Variants in CPSF4 observed in about 807,000 individuals in gnomAD.
CPSF4 encodes the protein cleavage and polyadenylation specific factor 4.
CPSF4 carries 11 observed loss-of-function variants against 37.7 expected under a neutral mutation model. That is an observed-to-expected ratio of 0.29 (90% CI 0.18 to 0.48). CPSF4 has a LOEUF of 0.48. Among genes scored for constraint, CPSF4 ranks in the 20% least tolerant of loss-of-function variants. CPSF4 has a pLI of 0.99. For synonymous variants in CPSF4, 132 were observed against 135.9 expected, an observed-to-expected ratio of 0.97 and a Z score of 0.20; for missense variants, 144 against 359.5, an observed-to-expected ratio of 0.40 and a Z score of 4.85.
chr7:99,442,940 G>A (rs1416731647), intron 1 of CPSF4: 1 of 1,580,026 alleles, frequency 6.3e-7, no homozygotes, highest in East Asian at 2.2e-5. Flanking sequence ...TATCCTCTGT[G>A]GTTCCAGTTC....
Position 99,450,272 on chromosome 7 carries a change from G to T in CPSF4, c.308-4G>T. The T allele has an allele frequency of 6.2e-7, 1 of 1,612,148 alleles. No homozygotes were observed. The highest frequency in any genetic ancestry group is 8.5e-7 in the Non-Finnish European group (1 of 1,178,390). On this transcript the variant is annotated splice_polypyrimidine_tract_variant and splice_region_variant and intron_variant, in intron 3 of 7. Coordinates refer to ENST00000292476, the MANE Select transcript of CPSF4 (RefSeq NM_006693.4). ...AGTGGTCTCACGTCTGAGTTTCCCT[G>T]CAGGGGAGTGCAGCAACAAGGAATG...
At chr7:99,443,039 C>T in intron 1 of CPSF4, 1 of 1,220,154 alleles carries the variant, frequency 8.2e-7, no homozygotes, top group East Asian at 2.3e-5. Flanking sequence ...AAGAGACATT[C>T]AAACCAAATC....
intron 7 of CPSF4, 28 bp downstream of exon 7, chr7:99,454,164 G>T: frequency 6.3e-7 from 1 of 1,597,888 alleles, no homozygotes; most frequent in Non-Finnish European, 8.5e-7. Flanking sequence ...GGGACAGGGT[G>T]GGGTCTTCCC....
At chr7:99,451,937 G>A (rs1197575418) in intron 5 of CPSF4, among the ~76,000 whole-genome samples, 1 of 152,238 alleles carries the variant, frequency 6.6e-6, no homozygotes, top group Non-Finnish European at 1.5e-5. Flanking sequence ...TGAGAGTGCA[G>A]GCACCTGCAG....
intron 3 of CPSF4, among the ~76,000 whole-genome samples, chr7:99,449,417 G>T (rs1562861772): frequency 6.6e-6 from 1 of 152,250 alleles, no homozygotes; most frequent in East Asian, 1.9e-4. Context: ...TGGGGCAGTG[G>T]CCTCCCATCT....
Position 99,448,869 on chromosome 7 carries a change from T to A in CPSF4, c.307+596T>A, listed in dbSNP as rs1209697049. ...TAAATAGCCCTTCAAAATAACAGCC[T>A]CAGATGTGTCTTCTGGTAGCAACAA... On this transcript the variant is annotated intron_variant, in intron 3 of 7. Coordinates refer to ENST00000292476, the MANE Select transcript of CPSF4 (RefSeq NM_006693.4). The surrounding 1 kb of genome is among the most constrained non-coding windows in gnomAD (Gnocchi z 4.4). 6.6e-6 allele frequency: 1 copy of A among 152,616 alleles called. No homozygotes were observed. Among genetic ancestry groups the A allele is most frequent in the African/African-American group, 2.4e-5 (1 of 41,470 alleles). The allele number at this position is 152,616 out of a possible 1,614,324, so 9.5% of individuals were successfully genotyped here.
intron 1 of CPSF4, among the ~76,000 whole-genome samples, chr7:99,444,185 T>G (rs1162396297): frequency 1.3e-5 from 2 of 152,082 alleles, no homozygotes; most frequent in East Asian, 3.9e-4. Context: ...GTCAGGCACT[T>G]TGGCTCAACG....
Position 99,448,455 on chromosome 7 carries a change from A to G in CPSF4, c.307+182A>G, listed in dbSNP as rs1584503028. On this transcript the variant is annotated intron_variant, in intron 3 of 7. Transcript: ENST00000292476. The surrounding 1 kb of genome is among the most constrained non-coding windows in gnomAD (Gnocchi z 4.4). ...GGGACAGTGTGGCTATTTTCTGCTC[A>G]TCTCTTTTTTTTTTTTTTTTTTTTT... 2 of 475,788 alleles carry G rather than the reference A, an allele frequency of 4.2e-6. No homozygotes were observed. The highest frequency in any genetic ancestry group is 3.7e-5 in the East Asian group (1 of 26,872). The allele number at this position is 475,788 out of a possible 1,614,324, so 29.5% of individuals were successfully genotyped here.
In CPSF4 at chr7:99,456,848, T is replaced by A. The variant is rs115904935; in HGVS notation, c.*348T>A. Reference sequence around the variant, plus strand: ...TGTGTGGCGGTGGTCATTCCCCTCATTAAACACCAGTTCTTGGTGACGCCA... The same window carrying A: ...TGTGTGGCGGTGGTCATTCCCCTCAATAAACACCAGTTCTTGGTGACGCCA... On this transcript the variant is annotated 3_prime_UTR_variant, in exon 8 of 8. Coordinates refer to ENST00000292476, the MANE Select transcript of CPSF4 (RefSeq NM_006693.4). The A allele has an allele frequency of 2.5e-6, 1 of 399,754 alleles. No individual in the cohort carries two copies. The allele number at this position is 399,754 out of a possible 1,614,324, so 24.8% of individuals were successfully genotyped here.
Position 99,438,972 on chromosome 7 carries a change from G to A in CPSF4, c.-111G>A, listed in dbSNP as rs1796624313. 1.2e-5 allele frequency: 16 copies of A among 1,330,232 alleles called. No individual in the cohort carries two copies. Among genetic ancestry groups the A allele is most frequent in the Admixed American group, 1.2e-4 (3 of 25,148 alleles). The allele number at this position is 1,330,232 out of a possible 1,614,324, so 82.4% of individuals were successfully genotyped here. ...TCCCTCGGGCGGCGGCGGCGGCGGC[G>A]GCGAGGCGAAGCGAAGGAGGAGTGT... On this transcript the variant is annotated 5_prime_UTR_variant, in exon 1 of 8. Transcript: ENST00000292476.
chr7:99,449,365 C>T (rs920685464), intron 3 of CPSF4, among the ~76,000 whole-genome samples: 2 of 152,244 alleles, frequency 1.3e-5, no homozygotes, highest in Non-Finnish European at 2.9e-5. Context: ...AGCATGTTCC[C>T]CCCGATGCCT....
In CPSF4 at chr7:99,456,418, C is replaced by A; in HGVS notation, c.742-14C>A. On this transcript the variant is annotated splice_polypyrimidine_tract_variant and intron_variant, in intron 7 of 7. Coordinates refer to ENST00000292476, the MANE Select transcript of CPSF4 (RefSeq NM_006693.4). ...GTCTGTCTCTCCTCTTCCCCCACTT[C>A]CTGCTGTTCCCAGTGTGGCGAGAAA... 1.9e-6 allele frequency: 3 copies of A among 1,613,772 alleles called. No individual in the cohort carries two copies. Among genetic ancestry groups the A allele is most frequent in the Non-Finnish European group, 2.5e-6 (3 of 1,179,632 alleles).
chr7:99,452,404 GC>G lies in CPSF4; in HGVS notation c.539del (p.Pro180HisfsTer24). 2 of 1,613,986 alleles carry G rather than the reference GC, an allele frequency of 1.2e-6. No individual in the cohort carries two copies. Among genetic ancestry groups the G allele is most frequent in the Non-Finnish European group, 8.5e-7 (1 of 1,179,984 alleles). ...AACTGCCCATGGGAACCACCGAGCA[GC>G]CCCCACTGCCGCAGCAGACACAGCC... ...FELPMGTTEQ[P>X]PLPQQTQPPA... On this transcript the variant is annotated frameshift_variant, in exon 6 of 8. Transcript: ENST00000292476. LOFTEE classifies it high-confidence loss of function.
At chr7:99,444,906 C>T in intron 2 of CPSF4, 67 bp downstream of exon 2, 1 of 1,379,454 alleles carries the variant, frequency 7.2e-7, no homozygotes, top group Non-Finnish European at 1.0e-6. Flanking sequence ...CCCCGGCAGA[C>T]TTGGAGGCCG....
In CPSF4 at chr7:99,448,034, A is replaced by C; in HGVS notation, c.155-87A>C. The C allele has an allele frequency of 7.2e-7, 1 of 1,394,336 alleles. No homozygotes were observed. Among genetic ancestry groups the C allele is most frequent in the Non-Finnish European group, 1.0e-6 (1 of 1,004,824 alleles). The allele number at this position is 1,394,336 out of a possible 1,614,324, so 86.4% of individuals were successfully genotyped here. ...CTTCAGGTGGCTCCAGGAGTTAGGA[A>C]GTGAAGGTACCTCAGCTTCTTCAGG... On this transcript the variant is annotated intron_variant, in intron 2 of 7. Transcript: ENST00000292476. This position sits in a 1 kb window ranked among gnomAD's most constrained non-coding sequence, Gnocchi z 4.4.
At chr7:99,452,484 T>A in intron 6 of CPSF4, 44 bp downstream of exon 6, 1 of 1,555,196 alleles carries the variant, frequency 6.4e-7, no homozygotes, top group South Asian at 1.1e-5. Flanking sequence ...GTGCCTTTTC[T>A]ACAGCGAGAA....
At chr7:99,439,451 C>T (rs1360223150) in intron 1 of CPSF4, 2 of 372,750 alleles carry the variant, frequency 5.4e-6, no homozygotes, top group Non-Finnish European at 9.6e-6. Context: ...CTGAGACCTC[C>T]TCTTCTGGAT....
At chr7:99,446,970 T>C (rs532358781) in intron 2 of CPSF4, among the ~76,000 whole-genome samples, 1 of 151,412 alleles carries the variant, frequency 6.6e-6, no homozygotes, top group South Asian at 2.1e-4. Flanking sequence ...TTTGTATTTT[T>C]AGTAGAGACA....
chr7:99,439,228 C>A lies in CPSF4; in HGVS notation c.103+43C>A, dbSNP rs1024869461. The stretch of plus-strand genomic sequence containing the variant: ...GCGGGAGGGCAAGAGCGACTCGAAC[C>A]CGGGACCCGCTCCTCTGTGATCCCG... On this transcript the variant is annotated intron_variant, in intron 1 of 7. Coordinates refer to ENST00000292476, the MANE Select transcript of CPSF4 (RefSeq NM_006693.4). 7.7e-6 allele frequency: 11 copies of A among 1,423,628 alleles called. No homozygotes were observed. In the African/African-American group the frequency reaches 1.3e-4, roughly 16 times the overall value. 88.2% of individuals were successfully genotyped at this position (1,423,628 alleles called of 1,614,324 possible).
Sources: gnomAD v4.1 joint callset for allele counts (sites outside exome capture counted in the v4.1 genomes callset) on GRCh38, gnomAD v4.1.1 for gene constraint, Gnocchi (gnomAD v3.1) non-coding constraint, MANE v1.5 for transcripts, NCBI Gene and HGNC (gene_info 2026-07-23, HGNC 2026-07-21) for gene names.